Variants in ZNF618 observed in about 807,000 individuals in gnomAD.
The protein encoded by ZNF618 is neural precursor cell expressed, developmentally down-regulated 10.
Under a neutral mutation model 103.0 loss-of-function variants are expected in ZNF618, and 34 were observed. That is an observed-to-expected ratio of 0.33 (90% CI 0.25 to 0.44). ZNF618 has a LOEUF of 0.44. Ranked by LOEUF, ZNF618 falls within the 20% of genes least tolerant of loss-of-function variation. The pLI is 1.00. For missense variants in ZNF618, 1,059 were observed against 1,295.4 expected (o/e 0.82, Z 2.80); for synonymous variants, 551 against 542.2 (o/e 1.02, Z -0.23).
intron 13 of ZNF618, among the ~76,000 whole-genome samples, chr9:114,038,054 T>A (rs1844784350): frequency 6.6e-6 from 1 of 152,176 alleles, no homozygotes; most frequent in Non-Finnish European, 1.5e-5. Flanking sequence ...AGGGAAGGCC[T>A]TGAATGCCAG....
chr9:113,988,665 C>G, intron 3 of ZNF618, 85 bp downstream of exon 3: 1 of 1,475,520 alleles, frequency 6.8e-7, no homozygotes, highest in Non-Finnish European at 9.0e-7. Context: ...CCTGGCGCCT[C>G]TGCCCCCTTC....
At chr9:113,942,009 G>A (rs907671566) in intron 1 of ZNF618, among the ~76,000 whole-genome samples, 3 of 152,176 alleles carry the variant, frequency 2.0e-5, no homozygotes, top group Non-Finnish European at 4.4e-5. Flanking sequence ...CTACCACATA[G>A]TGCTGTTGGG....
chr9:113,987,217 T>G (rs1473303166), intron 2 of ZNF618, among the ~76,000 whole-genome samples: 1 of 152,176 alleles, frequency 6.6e-6, no homozygotes, highest in Non-Finnish European at 1.5e-5. Flanking sequence ...GTCAGAAGGA[T>G]GTGGGGCCCT....
chr9:113,938,651 C>A (rs1480817944), intron 1 of ZNF618, among the ~76,000 whole-genome samples: 1 of 150,454 alleles, frequency 6.6e-6, no homozygotes, highest in East Asian at 2.0e-4. Flanking sequence ...TCACTGCAAC[C>A]TCTGCCTTCT....
At chr9:113,883,982 GCCCCCCCCCCCCCCC>G (rs558766678) in intron 1 of ZNF618, among the ~76,000 whole-genome samples, 1 of 29,708 alleles carries the variant, frequency 3.4e-5, no homozygotes, top group African/African-American at 1.5e-4. Context: ...TCTGGGCTTG[GCCCCCCCCCCCCCCC>G]CCCCCGCCCT....
chr9:113,933,372 A>G (rs1833767005), intron 1 of ZNF618, among the ~76,000 whole-genome samples: 1 of 152,234 alleles, frequency 6.6e-6, no homozygotes, highest in Non-Finnish European at 1.5e-5. Flanking sequence ...GCAGGAGAGC[A>G]GGGAAATTGC....
intron 1 of ZNF618, among the ~76,000 whole-genome samples, chr9:113,881,575 C>T (rs1415239500): frequency 6.6e-6 from 1 of 152,188 alleles, no homozygotes; most frequent in African/African-American, 2.4e-5. Context: ...TTTACTCCTA[C>T]AGTACATCTC....
At chr9:114,002,719 A>G in intron 6 of ZNF618, 57 bp downstream of exon 6, 11 of 1,588,206 alleles carry the variant, frequency 6.9e-6, no homozygotes, top group Non-Finnish European at 9.4e-6. Flanking sequence ...GGGTGGGATG[A>G]AGAGGAGCTG....
intron 3 of ZNF618, among the ~76,000 whole-genome samples, chr9:113,995,468 A>G (rs1234414804): frequency 6.6e-6 from 1 of 152,156 alleles, no homozygotes; most frequent in Admixed American, 6.5e-5. Flanking sequence ...TCTTATTGCT[A>G]GAAGGAGACA....
At chr9:113,981,567 G>C (rs1334516438) in intron 2 of ZNF618, among the ~76,000 whole-genome samples, 3 of 152,158 alleles carry the variant, frequency 2.0e-5, no homozygotes, top group Non-Finnish European at 4.4e-5. Flanking sequence ...CATCATTATT[G>C]GCAGAATGAT....
chr9:113,946,174 A>C (rs1835011839), intron 1 of ZNF618, among the ~76,000 whole-genome samples: 1 of 152,234 alleles, frequency 6.6e-6, no homozygotes, highest in Admixed American at 6.5e-5. Flanking sequence ...CCTGGGCCAA[A>C]GCAGCCAGGA....
At chr9:114,028,647 C>T (rs948336716) in intron 10 of ZNF618, 86 bp from the exon 11 acceptor site, 4 of 1,477,292 alleles carry the variant, frequency 2.7e-6, no homozygotes, top group Non-Finnish European at 3.6e-6. Context: ...CAGTCCCAAC[C>T]CTGGAATGTG....
intron 5 of ZNF618, 40 bp downstream of exon 5, chr9:114,002,113 C>A (rs749188249): frequency 1.9e-6 from 3 of 1,576,274 alleles, no homozygotes; most frequent in Non-Finnish European, 1.7e-6. Context: ...AGGGGCCGCA[C>A]CTCCCACTGT....
At chr9:113,929,298 G>A (rs560320259) in intron 1 of ZNF618, among the ~76,000 whole-genome samples, 2 of 152,196 alleles carry the variant, frequency 1.3e-5, no homozygotes, top group South Asian at 4.1e-4. Flanking sequence ...CCCAGCCACT[G>A]CAGCTCCTGG....
chr9:113,906,279 G>T (rs1189276437), intron 1 of ZNF618, among the ~76,000 whole-genome samples: 1 of 152,174 alleles, frequency 6.6e-6, no homozygotes, highest in Non-Finnish European at 1.5e-5. Flanking sequence ...GGGGATAGAT[G>T]ATGAATATGA....
At chr9:114,037,710 T>C (rs1588429431) in intron 13 of ZNF618, among the ~76,000 whole-genome samples, 2 of 152,264 alleles carry the variant, frequency 1.3e-5, no homozygotes, top group East Asian at 3.8e-4. Context: ...GAATCTCTTT[T>C]AGGCTAAGTA....
chr9:114,029,170 A>G (rs1350952357), intron 11 of ZNF618, among the ~76,000 whole-genome samples, 198 bp downstream of exon 11: 4 of 152,286 alleles, frequency 2.6e-5, no homozygotes, highest in East Asian at 1.9e-4. Flanking sequence ...TTCTGAGCCA[A>G]GTCTTCTCAC....
chr9:113,910,006 A>G (rs1181127014), intron 1 of ZNF618, among the ~76,000 whole-genome samples: 1 of 152,040 alleles, frequency 6.6e-6, no homozygotes, highest in Non-Finnish European at 1.5e-5. Context: ...GCTGGTCTCG[A>G]ACTCCTGACC....
intron 1 of ZNF618, among the ~76,000 whole-genome samples, chr9:113,877,007 G>A (rs1045891360): frequency 2.0e-5 from 3 of 151,192 alleles, no homozygotes; most frequent in African/African-American, 7.3e-5. Flanking sequence ...AAATTGAAAA[G>A]AAATATTTTT....
Sources: gnomAD v4.1 joint callset for allele counts (sites outside exome capture counted in the v4.1 genomes callset) on GRCh38, gnomAD v4.1.1 for gene constraint, MANE v1.5 for transcripts, NCBI Gene and HGNC (gene_info 2026-07-23, HGNC 2026-07-21) for gene names.